ABCA1: variants seen among roughly 807,000 people sequenced by gnomAD.
ABCA1 encodes ATP binding cassette subfamily A member 1, also known as phospholipid-transporting ATPase ABCA1.
ABCA1 carries 133 observed loss-of-function variants against 262.5 expected under a neutral mutation model. That is an observed-to-expected ratio of 0.51 (90% confidence interval 0.44 to 0.59). ABCA1 has a LOEUF of 0.59. Among genes scored for constraint, ABCA1 ranks in the 20% least tolerant of loss-of-function variants. The pLI, the probability that ABCA1 is intolerant of heterozygous loss-of-function variation, is 0.00. For missense variants in ABCA1, 2,452 were observed against 2,777.5 expected, an observed-to-expected ratio of 0.88 and a Z score of 2.63; for synonymous variants, 1,022 against 1,043.5, an observed-to-expected ratio of 0.98 and a Z score of 0.40.
intron 9 of ABCA1, 92 bp from the exon 10 acceptor site, chr9:104,837,659 A>G (rs1446790264): frequency 1.4e-5 from 21 of 1,479,412 alleles, no homozygotes; most frequent in Non-Finnish European, 1.5e-5. Context: ...TTCTTAGTTG[A>G]AACCCCAGCT....
In ABCA1 at chr9:104,806,371, A is replaced by G; in HGVS notation, c.4334T>C (p.Ile1445Thr). 1 of 1,614,100 alleles carries G rather than the reference A, an allele frequency of 6.2e-7. No individual in the cohort carries two copies. Among genetic ancestry groups the G allele is most frequent in the East Asian group, 2.2e-5 (1 of 44,872 alleles). Residue 1445 changes from isoleucine (I) to threonine (T), a missense_variant, in exon 31 of 50, where the codon ATC becomes ACC. By Grantham distance (89) the Ile-to-Thr change is moderately conservative. This residue lies in a region of ABCA1 where 665 missense variants were observed against 727.3 expected (regional missense o/e 0.91). Transcript: ENST00000374736. Reference protein sequence around the residue: ...EWTTAPVPQTIMDLFQNGNWT... With the variant: ...EWTTAPVPQTTMDLFQNGNWT... Reference sequence around the variant, plus strand: ...GTTCCCATTCTGGAAGAGGTCCATGATGGTCTGGGGAACTGGGGCAGTGGT... The same window carrying G: ...GTTCCCATTCTGGAAGAGGTCCATGGTGGTCTGGGGAACTGGGGCAGTGGT...
Position 104,825,746 on chromosome 9 carries a change from T to C in ABCA1, c.2479A>G (p.Met827Val), listed in dbSNP as rs1396113456. Residue 827 changes from methionine to valine, a missense_variant, in exon 17 of 50, where the codon ATG becomes GTG. Coordinates refer to ENST00000374736, the MANE Select transcript of ABCA1 (RefSeq NM_005502.4). ...TAGAGGAAGGTGTCAAACAGCATCA[T>C]GGAGACCGAAGTGGTGAGATTGAAG... ...DGFNLTTSVSMMLFDTFLYGV... is the reference protein window; with the variant it reads ...DGFNLTTSVSVMLFDTFLYGV... 1.2e-6 allele frequency: 2 copies of C among 1,614,090 alleles called. No homozygotes were observed. The highest frequency in any genetic ancestry group is 2.7e-5 in the African/African-American group (2 of 74,934).
chr9:104,894,361 G>T (rs1212441006), intron 2 of ABCA1, among the ~76,000 whole-genome samples: 5 of 152,004 alleles, frequency 3.3e-5, no homozygotes, highest in Non-Finnish European at 7.4e-5. Flanking sequence ...ACAGCAAAGG[G>T]CAAACAAAAA....
intron 31 of ABCA1, among the ~76,000 whole-genome samples, chr9:104,805,520 GA>G (rs562967586): frequency 3.4e-5 from 5 of 148,956 alleles, no homozygotes; most frequent in East Asian, 3.9e-4. Context: ...AAATTCTCAA[GA>G]AAAAAAAAAT....
intron 7 of ABCA1, among the ~76,000 whole-genome samples, chr9:104,846,649 C>G (rs1003716149): frequency 6.6e-6 from 1 of 152,178 alleles, no homozygotes; most frequent in African/African-American, 2.4e-5. Context: ...CAAGCATAAT[C>G]CTCAATGTGC....
At chr9:104,794,531 T>C in intron 39 of ABCA1, 21 bp from the exon 40 acceptor site, 1 of 773,248 alleles carries the variant, frequency 1.3e-6, no homozygotes, top group South Asian at 1.6e-5. Flanking sequence ...AAAAAAAAAA[T>C]GGGAGGGAAG....
At chr9:104,915,862 T>A (rs936740767) in intron 1 of ABCA1, among the ~76,000 whole-genome samples, 1 of 152,140 alleles carries the variant, frequency 6.6e-6, no homozygotes, top group Non-Finnish European at 1.5e-5. Context: ...TGGTCACATA[T>A]GCTATGAACT....
chr9:104,901,316 T>A (rs1444106336), intron 2 of ABCA1, among the ~76,000 whole-genome samples: 5 of 152,120 alleles, frequency 3.3e-5, no homozygotes, highest in Non-Finnish European at 7.4e-5. Flanking sequence ...GCTGGCTGGG[T>A]GACCTCAAGA....
intron 8 of ABCA1, among the ~76,000 whole-genome samples, chr9:104,843,127 G>A (rs1451518945): frequency 1.3e-5 from 2 of 152,040 alleles, no homozygotes; most frequent in Non-Finnish European, 2.9e-5. Flanking sequence ...CATGCTCTAT[G>A]CCCCTTACCC....
intron 2 of ABCA1, chr9:104,889,414 T>G (rs1839512243): frequency 1.0e-6 from 1 of 976,686 alleles, no homozygotes; most frequent in African/African-American, 1.7e-5. Flanking sequence ...TAAGGGAAGA[T>G]GCTTCCTATC....
At chr9:104,845,099 T>C (rs567569090) in intron 8 of ABCA1, among the ~76,000 whole-genome samples, 1 of 152,346 alleles carries the variant, frequency 6.6e-6, no homozygotes, top group East Asian at 1.9e-4. Context: ...GGTAAAATGA[T>C]TGGCCTTGCT....
At chr9:104,841,689 G>A (rs180767395) in intron 8 of ABCA1, among the ~76,000 whole-genome samples, 7 of 152,228 alleles carry the variant, frequency 4.6e-5, no homozygotes, top group African/African-American at 1.4e-4. Flanking sequence ...AGTGTGTGGT[G>A]AGGCACAAAT....
At chr9:104,890,950 CATAA>C (rs1350507911) in intron 2 of ABCA1, among the ~76,000 whole-genome samples, 1 of 152,134 alleles carries the variant, frequency 6.6e-6, no homozygotes, top group African/African-American at 2.4e-5. Context: ...TTCATGCATA[CATAA>C]ATAATATTTT....
intron 6 of ABCA1, among the ~76,000 whole-genome samples, chr9:104,860,779 TG>T (rs1159637768): frequency 7.7e-6 from 1 of 129,908 alleles, no homozygotes; most frequent in East Asian, 2.3e-4. Context: ...TTTTTTGAGA[TG>T]GAGTCTCACT....
rs1329885106 is a variant in ABCA1, at chr9:104,831,659, T to C, written c.1678A>G (p.Ile560Val). 9 of 1,614,134 alleles carry C rather than the reference T, an allele frequency of 5.6e-6. No homozygotes were observed. The Middle Eastern group carries it at 1.2e-3, about 206-fold the overall frequency. Residue 560 changes from isoleucine to valine, a missense_variant, in exon 13 of 50, where the codon ATT becomes GTT. Ile to Val is a conservative substitution (Grantham distance 29). Transcript: ENST00000374736. Reference sequence around the variant, plus strand: ...TTATTTGTCCTCTCCACATTGTCAATGTCCATTCGGATCTTGTACTTGACA... The same window carrying C: ...TTATTTGTCCTCTCCACATTGTCAACGTCCATTCGGATCTTGTACTTGACA... ...HHVKYKIRMDIDNVERTNKIK... is the reference protein window; with the variant it reads ...HHVKYKIRMDVDNVERTNKIK...
chr9:104,828,729 T>G (rs1206056803), intron 15 of ABCA1, among the ~76,000 whole-genome samples, 187 bp downstream of exon 15: 1 of 152,216 alleles, frequency 6.6e-6, no homozygotes, highest in East Asian at 1.9e-4. Context: ...GGGTTGACCT[T>G]GGGCAAGTCA....
intron 5 of ABCA1, among the ~76,000 whole-genome samples, chr9:104,868,401 T>C (rs996346277): frequency 6.6e-6 from 1 of 152,184 alleles, no homozygotes; most frequent in African/African-American, 2.4e-5. Context: ...TCACAGGTTG[T>C]TGTGCAAACC....
chr9:104,810,909 C>T lies in ABCA1; in HGVS notation c.4066G>A (p.Val1356Met). ...GFFAQIVLPA[V>M]FVCIALVFSL... Reference sequence around the variant, plus strand: ...AACACAAGGGCAATGCAGACAAACACAGCTGGCAAGACAATCTTTACCCAG... The same window carrying T: ...AACACAAGGGCAATGCAGACAAACATAGCTGGCAAGACAATCTTTACCCAG... Residue 1356 changes from valine to methionine, a missense_variant, in exon 29 of 50, where the codon GTG (valine) becomes ATG (methionine). By Grantham distance (21) the Val-to-Met change is conservative. This residue lies in a region of ABCA1 where 665 missense variants were observed against 727.3 expected (regional missense o/e 0.91). Transcript: ENST00000374736. 1 of 1,614,196 alleles carries T rather than the reference C, an allele frequency of 6.2e-7. No individual in the cohort carries two copies. Among genetic ancestry groups the T allele is most frequent in the African/African-American group, 1.3e-5 (1 of 75,056 alleles).
At chr9:104,837,602 A>G (rs374953794) in intron 9 of ABCA1, 35 bp from the exon 10 acceptor site, 10 of 1,611,742 alleles carry the variant, frequency 6.2e-6, no homozygotes, top group East Asian at 2.2e-5. Context: ...GCTCATATGC[A>G]TGGTCATATA....
Sources: gnomAD v4.1 joint callset for allele counts (sites outside exome capture counted in the v4.1 genomes callset) on GRCh38, gnomAD v4.1.1 for gene constraint, gnomAD v4.1.1 regional missense constraint, MANE v1.5 for transcripts, NCBI Gene and HGNC (gene_info 2026-07-23, HGNC 2026-07-21) for gene names.